ZNF827: variants seen among roughly 807,000 people sequenced by gnomAD.
ZNF827 encodes zinc finger protein 827.
ZNF827 carries 13 observed loss-of-function variants against 102.4 expected under a neutral mutation model. The observed-to-expected ratio is 0.13, with a 90% CI of 0.08 to 0.20. The LOEUF (loss-of-function observed/expected upper bound fraction) is 0.20. ZNF827 is among the 10% of genes least tolerant of loss of function. The pLI is 1.00. For synonymous variants in ZNF827, 523 were observed against 536.2 expected (o/e 0.98, Z 0.34); for missense variants, 1,103 against 1,344.4 (o/e 0.82, Z 2.81).
Position 145,866,626 on chromosome 4 carries a change from T to G in ZNF827, c.1981+3619A>C, listed in dbSNP as rs181777208. On this transcript the variant is annotated intron_variant, in intron 5 of 14. Coordinates refer to ENST00000508784, the MANE Select transcript of ZNF827 (RefSeq NM_001306215.2). ...ACCATGTTAGAGAAATGTAAACGTTTAATTTTTCATTAATGTTTCTGCATA... is the reference window on the plus strand; with the variant it reads ...ACCATGTTAGAGAAATGTAAACGTTGAATTTTTCATTAATGTTTCTGCATA... 3.4e-3 allele frequency among the ~76,000 whole-genome samples: 516 copies of G among 152,378 alleles called. 2 individuals carry two copies. The highest frequency in any genetic ancestry group is 0.012 in the African/African-American group (486 of 41,586).
At chr4:145,771,353 A>C (rs1736249695) in intron 11 of ZNF827, among the ~76,000 whole-genome samples, 1 of 151,862 alleles carries the variant, frequency 6.6e-6, no homozygotes, top group African/African-American at 2.4e-5. Flanking sequence ...TAAATATTCT[A>C]TTTTCTTCAG....
In ZNF827 at chr4:145,758,241, A is replaced by G. The variant is rs1346685789; in HGVS notation, c.*3375T>C. 1.3e-5 allele frequency: 2 copies of G among 152,242 alleles called. No homozygotes were observed. Among genetic ancestry groups the G allele is most frequent in the Non-Finnish European group, 2.9e-5 (2 of 68,040 alleles). 9.4% of individuals were successfully genotyped at this position (152,242 alleles called of 1,614,324 possible). On this transcript the variant is annotated 3_prime_UTR_variant, in exon 15 of 15. Transcript: ENST00000508784. The stretch of plus-strand genomic sequence containing the variant: ...AAAAAGTTGCCCAATTATATTAAGC[A>G]TTACTAAGTCATTCAAATACAAGTT...
chr4:145,767,455 G>A (rs753595625), intron 11 of ZNF827, among the ~76,000 whole-genome samples: 6 of 152,082 alleles, frequency 3.9e-5, no homozygotes, highest in Non-Finnish European at 7.4e-5. Context: ...GTGGAAATTT[G>A]AAATGGCCAA....
At chr4:145,768,430 A>G (rs1404052054) in intron 11 of ZNF827, among the ~76,000 whole-genome samples, 1 of 151,726 alleles carries the variant, frequency 6.6e-6, no homozygotes, top group Non-Finnish European at 1.5e-5. Context: ...CTCCCAAAGT[A>G]CTGGGATTAC....
At chr4:145,936,801 A>G (rs1250699450) in intron 1 of ZNF827, among the ~76,000 whole-genome samples, 17 of 152,080 alleles carry the variant, frequency 1.1e-4, no homozygotes, top group East Asian at 5.8e-4. Context: ...GTGACCGACC[A>G]CGTCGGCCTG....
At chr4:145,883,424 A>C (rs1205083333) in intron 4 of ZNF827, among the ~76,000 whole-genome samples, 1 of 152,228 alleles carries the variant, frequency 6.6e-6, no homozygotes, top group Non-Finnish European at 1.5e-5. Flanking sequence ...CACAGATCAC[A>C]ATATAAGGCT....
At chr4:145,896,406 A>T (rs1334369197) in intron 2 of ZNF827, among the ~76,000 whole-genome samples, 1 of 152,204 alleles carries the variant, frequency 6.6e-6, no homozygotes, top group Non-Finnish European at 1.5e-5. Context: ...TCAGCAGGGA[A>T]AAAAAGAGAC....
At chr4:145,935,120 A>G (rs1280206338) in intron 1 of ZNF827, among the ~76,000 whole-genome samples, 1 of 152,126 alleles carries the variant, frequency 6.6e-6, no homozygotes, top group Non-Finnish European at 1.5e-5. Context: ...GCCCCTATTT[A>G]ACTTCTTAAA....
intron 1 of ZNF827, among the ~76,000 whole-genome samples, chr4:145,905,989 C>T: frequency 6.6e-6 from 1 of 152,194 alleles, no homozygotes; most frequent in East Asian, 1.9e-4. Flanking sequence ...GCAGTAGGGT[C>T]ACCTAACAGC....
intron 8 of ZNF827, among the ~76,000 whole-genome samples, chr4:145,781,985 G>A (rs535920444): frequency 1.3e-3 from 200 of 152,266 alleles, no homozygotes; most frequent in Non-Finnish European, 2.6e-3. Flanking sequence ...GTCTGATTCC[G>A]TCCACTGGTC....
intron 8 of ZNF827, among the ~76,000 whole-genome samples, chr4:145,811,092 A>C (rs1045683907): frequency 6.6e-6 from 1 of 151,610 alleles, no homozygotes; most frequent in Non-Finnish European, 1.5e-5. Flanking sequence ...CCTGGGTTCA[A>C]GTGATTCTCG....
chr4:145,865,944 C>T (rs1242655908), intron 5 of ZNF827, among the ~76,000 whole-genome samples: 2 of 152,172 alleles, frequency 1.3e-5, no homozygotes, highest in Non-Finnish European at 2.9e-5. Flanking sequence ...TTCTGTCTGG[C>T]TATTCTTTTG....
At chr4:145,895,417 A>G (rs1437414608) in intron 2 of ZNF827, among the ~76,000 whole-genome samples, 2 of 152,196 alleles carry the variant, frequency 1.3e-5, no homozygotes, top group East Asian at 1.9e-4. Flanking sequence ...CTTAGTTTTA[A>G]TTAGTACCAA....
At chr4:145,772,985 A>G (rs1311992315) in intron 11 of ZNF827, among the ~76,000 whole-genome samples, 2 of 152,114 alleles carry the variant, frequency 1.3e-5, no homozygotes, top group Admixed American at 6.6e-5. Flanking sequence ...TATGGTTTCT[A>G]TGGTTTCTAT....
intron 5 of ZNF827, among the ~76,000 whole-genome samples, chr4:145,856,522 G>A (rs949361249): frequency 2.0e-5 from 3 of 152,092 alleles, no homozygotes; most frequent in Non-Finnish European, 2.9e-5. Flanking sequence ...CTCCCTCCTC[G>A]ACAAACTGGC....
At chr4:145,799,714 C>T (rs1474389293) in intron 8 of ZNF827, among the ~76,000 whole-genome samples, 4 of 152,284 alleles carry the variant, frequency 2.6e-5, no homozygotes, top group Non-Finnish European at 5.9e-5. Context: ...AGTACGGCCA[C>T]GTGATCAAGT....
intron 4 of ZNF827, among the ~76,000 whole-genome samples, chr4:145,878,812 G>A (rs151298500): frequency 6.6e-6 from 1 of 151,520 alleles, no homozygotes; most frequent in Non-Finnish European, 1.5e-5. Flanking sequence ...AGCCAGACAG[G>A]AGCATGATCT....
intron 8 of ZNF827, among the ~76,000 whole-genome samples, chr4:145,821,032 A>C (rs1743090975): frequency 6.6e-6 from 1 of 152,210 alleles, no homozygotes; most frequent in African/African-American, 2.4e-5. Context: ...GTAATTTGGC[A>C]TTCATACTTC....
Position 145,928,161 on chromosome 4 carries a change from C to A in ZNF827, c.43+10204G>T, listed in dbSNP as rs528651310. 8.2e-4 allele frequency among the ~76,000 whole-genome samples: 125 copies of A among 152,336 alleles called. 2 individuals carry two copies. The South Asian group carries it at 0.024, about 30-fold the overall frequency. On this transcript the variant is annotated intron_variant, in intron 1 of 14. Coordinates refer to ENST00000508784, the MANE Select transcript of ZNF827 (RefSeq NM_001306215.2). ...TCAATAAGCTGACCAGGCTCACCAT[C>A]TCCTGTCTTTATTTTTGACTGAAAT...
Sources: allele counts gnomAD v4.1 joint callset (sites outside exome capture counted in the v4.1 genomes callset), GRCh38; gene constraint gnomAD v4.1.1; transcripts MANE v1.5; gene names NCBI Gene and HGNC (gene_info 2026-07-23, HGNC 2026-07-21).